The following HERC4 variants were observed in gnomAD, a reference collection of about 807,000 sequenced individuals.
HERC4 encodes probable E3 ubiquitin-protein ligase HERC4.
A neutral mutation model predicts 124.3 loss-of-function variants in HERC4; 28 were observed. That is an observed-to-expected ratio of 0.23 (90% CI 0.17 to 0.31). HERC4 has a LOEUF of 0.31. Ranked by LOEUF, HERC4 falls within the 10% of genes least tolerant of loss-of-function variation. The pLI is 1.00. For synonymous variants in HERC4, 407 were observed against 421.5 expected (o/e 0.97, Z 0.42); for missense variants, 713 against 1,229.3 (o/e 0.58, Z 6.28).
chr10:67,933,587 G>C (rs1048441878), intron 22 of HERC4, among the ~76,000 whole-genome samples: 1 of 152,090 alleles, frequency 6.6e-6, no homozygotes, highest in African/African-American at 2.4e-5. Context: ...AGGAATAATG[G>C]TAAGTTGCCT....
intron 9 of HERC4, chr10:67,993,122 A>C (rs1486466895): frequency 6.5e-6 from 1 of 152,706 alleles, no homozygotes; most frequent in Non-Finnish European, 1.5e-5. Context: ...AGGTGGGAGG[A>C]TCATTTGATG....
chr10:68,013,990 A>G (rs775381176), intron 9 of HERC4, 36 bp downstream of exon 9: 1 of 1,479,248 alleles, frequency 6.8e-7, no homozygotes, highest in African/African-American at 1.4e-5. Context: ...AAGAACTTCA[A>G]TATATGAAGG....
At chr10:67,978,092 A>G (rs1229056452) in intron 15 of HERC4, among the ~76,000 whole-genome samples, 2 of 152,098 alleles carry the variant, frequency 1.3e-5, no homozygotes, top group Non-Finnish European at 2.9e-5. Context: ...CCTGGCCAAC[A>G]TGGTGAAACC....
intron 9 of HERC4, among the ~76,000 whole-genome samples, chr10:68,002,019 A>T (rs1455165486): frequency 6.6e-6 from 1 of 152,132 alleles, no homozygotes; most frequent in Non-Finnish European, 1.5e-5. Flanking sequence ...GATGAAACTA[A>T]ATTGCAGCAA....
rs2031963905 is a variant in HERC4, at chr10:67,932,798, C to T, written c.2655-18G>A. 1 of 1,571,708 alleles carries T rather than the reference C, an allele frequency of 6.4e-7. No homozygotes were observed. The highest frequency in any genetic ancestry group is 1.4e-5 in the African/African-American group (1 of 71,910). On this transcript the variant is annotated intron_variant, in intron 22 of 24. Transcript: ENST00000373700. The stretch of plus-strand genomic sequence containing the variant: ...ACTCTTGCCTAGAAATGAAAAAGCA[C>T]ACATGTACAGATTATAAAAATCATG...
chr10:68,025,212 G>A (rs928096059), intron 8 of HERC4, among the ~76,000 whole-genome samples: 1 of 151,792 alleles, frequency 6.6e-6, no homozygotes, highest in Non-Finnish European at 1.5e-5. Flanking sequence ...GACAGAGCAA[G>A]ACTCTATCAC....
rs144100851 is a variant in HERC4, at chr10:68,043,379, A to C, written c.386+1025T>G. ...ATTACTATTACTAGGAAAAAGAACA[A>C]AAGAGTTTAAAGAGGTCAGAATTTG... On this transcript the variant is annotated intron_variant, in intron 4 of 24. Transcript: ENST00000373700. 2.9e-3 allele frequency among the ~76,000 whole-genome samples: 441 copies of C among 152,354 alleles called. 5 individuals carry two copies. In the South Asian group the frequency reaches 0.039, roughly 13 times the overall value.
chr10:68,040,587 C>T (rs1348872011), intron 4 of HERC4: 1 of 400,898 alleles, frequency 2.5e-6, no homozygotes, highest in Non-Finnish European at 3.4e-6. Context: ...TTCAAATACA[C>T]TGAACAGAAA....
intron 8 of HERC4, among the ~76,000 whole-genome samples, chr10:68,020,135 G>A (rs1376721121): frequency 6.6e-6 from 1 of 152,012 alleles, no homozygotes; most frequent in Non-Finnish European, 1.5e-5. Context: ...TATACCTCAG[G>A]GTGACTCCTG....
chr10:68,010,418 A>T (rs2037874500), intron 9 of HERC4: 1 of 956,222 alleles, frequency 1.0e-6, no homozygotes, highest in African/African-American at 1.6e-5. Flanking sequence ...CTCATGGTGC[A>T]TAATCACTGC....
At chr10:67,931,553 T>TAGCTGGGA (rs1449922626) in intron 23 of HERC4, among the ~76,000 whole-genome samples, 1 of 151,908 alleles carries the variant, frequency 6.6e-6, no homozygotes, top group East Asian at 1.9e-4. Context: ...GCCTCCCAAG[T>TAGCTGGGA]AGCTGGGATT....
chr10:68,074,471 T>C lies in HERC4; in HGVS notation c.-109+673A>G, dbSNP rs538972368. Among the ~76,000 whole-genome samples, 4 of 152,156 alleles carry C rather than the reference T, an allele frequency of 2.6e-5. No individual in the cohort carries two copies. In the South Asian group the frequency reaches 8.3e-4, roughly 32 times the overall value. ...ATATTTAAAAACAAAATAAGAGTAA[T>C]ACAGGAAAATACCCCGACTTCAGCG... On this transcript the variant is annotated intron_variant, in intron 1 of 24. Coordinates refer to ENST00000373700, the MANE Select transcript of HERC4 (RefSeq NM_015601.4).
At chr10:67,942,095 T>TC (rs1415830650) in intron 19 of HERC4, among the ~76,000 whole-genome samples, 1 of 152,236 alleles carries the variant, frequency 6.6e-6, no homozygotes, top group African/African-American at 2.4e-5. Flanking sequence ...TTTATTTTTT[T>TC]CCCTCATCTT....
intron 15 of HERC4, among the ~76,000 whole-genome samples, chr10:67,987,692 G>A (rs2036340928): frequency 6.6e-6 from 1 of 152,044 alleles, no homozygotes; most frequent in Admixed American, 6.6e-5. Flanking sequence ...GTTTTTCTAG[G>A]AATCTTGGAC....
intron 7 of HERC4, among the ~76,000 whole-genome samples, chr10:68,027,752 G>A (rs1014090868): frequency 2.0e-5 from 3 of 151,844 alleles, no homozygotes; most frequent in East Asian, 1.9e-4. Context: ...CTGACACTTC[G>A]TCTCTACTAA....
At chr10:67,991,102 A>C in intron 12 of HERC4, 38 bp downstream of exon 12, 1 of 1,441,646 alleles carries the variant, frequency 6.9e-7, no homozygotes, top group Non-Finnish European at 9.3e-7. Context: ...AAGACAATAA[A>C]TTTGAAAATT....
intron 3 of HERC4, among the ~76,000 whole-genome samples, chr10:68,062,768 TAATA>T (rs1321649312): frequency 7.3e-5 from 11 of 150,472 alleles, no homozygotes; most frequent in South Asian, 2.1e-4. Context: ...TCAAAAAAAA[TAATA>T]AATAAAAAAT....
chr10:68,062,915 C>T (rs1037624939), intron 3 of HERC4, among the ~76,000 whole-genome samples: 1 of 151,998 alleles, frequency 6.6e-6, no homozygotes, highest in Non-Finnish European at 1.5e-5. Context: ...TAAATTCAAG[C>T]TCCTTAATTT....
chr10:68,001,353 CAG>C (rs964817447), intron 9 of HERC4, among the ~76,000 whole-genome samples: 1 of 147,852 alleles, frequency 6.8e-6, no homozygotes, highest in African/African-American at 2.5e-5. Context: ...GCCTGGGCAA[CAG>C]AGTGAGACCT....
Sources: allele counts gnomAD v4.1 joint callset (sites outside exome capture counted in the v4.1 genomes callset), GRCh38; gene constraint gnomAD v4.1.1; transcripts MANE v1.5; gene names NCBI Gene and HGNC (gene_info 2026-07-23, HGNC 2026-07-21).